TTC12: variants seen among roughly 807,000 people sequenced by gnomAD.
The protein encoded by TTC12 is tetratricopeptide repeat protein 12.
TTC12 carries 70 observed loss-of-function variants against 90.1 expected under a neutral mutation model. The observed-to-expected ratio is 0.78, with a 90% CI of 0.64 to 0.95. The LOEUF is 0.95. TTC12 is among the 40% of genes least tolerant of loss of function. The pLI is 0.00. For synonymous variants in TTC12, 296 were observed against 311.5 expected, an observed-to-expected ratio of 0.95 and a Z score of 0.53; for missense variants, 819 against 846.1, an observed-to-expected ratio of 0.97 and a Z score of 0.40.
intron 6 of TTC12, among the ~76,000 whole-genome samples, chr11:113,327,462 C>T (rs1555141381): frequency 1.3e-5 from 2 of 152,160 alleles, no homozygotes; most frequent in Non-Finnish European, 2.9e-5. Context: ...GAAAACCTAA[C>T]CTTTCATTGC....
chr11:113,342,331 G>A (rs1169386651), intron 12 of TTC12, among the ~76,000 whole-genome samples: 3 of 152,100 alleles, frequency 2.0e-5, no homozygotes, highest in Non-Finnish European at 4.4e-5. Context: ...ACACTGATTA[G>A]CATCTAGTAT....
Position 113,365,037 on chromosome 11 carries a change from G to A in TTC12, c.2019G>A (p.Gly673=), listed in dbSNP as rs745451821. The change falls in exon 21 of 22, where the codon GGG becomes GGA. Residue 673 remains glycine, a synonymous_variant. Coordinates refer to ENST00000529221, the MANE Select transcript of TTC12 (RefSeq NM_017868.4). ...AVQVNAGIAL[G]KLCTAEPRFA... ...AGGTGAACGCAGGCATTGCTCTGGG[G>A]AAGCTGTGCACAGCTGAGCCCAGGT... 6 of 1,614,064 alleles carry A rather than the reference G, an allele frequency of 3.7e-6. No individual in the cohort carries two copies. Among genetic ancestry groups the A allele is most frequent in the Non-Finnish European group, 5.1e-6 (6 of 1,179,986 alleles).
In TTC12 at chr11:113,339,385, A is replaced by G. The variant is rs146397852; in HGVS notation, c.737A>G (p.Lys246Arg). The G allele has an allele frequency of 1.9e-6, 3 of 1,613,992 alleles. No homozygotes were observed. Among genetic ancestry groups the G allele is most frequent in the African/African-American group, 2.7e-5 (2 of 74,882 alleles). The part of the protein sequence containing the change: ...DSGKNTAVTT[K>R]NLLETLSKPD... ...GGAAAGAACACAGCCGTGACCACCA[A>G]GAACCTCCTGGAGACCCTTTCCAAG... The change falls in exon 10 of 22, where the codon AAG becomes AGG. Residue 246 changes from lysine (K) to arginine (R), a missense_variant. Coordinates refer to ENST00000529221, the MANE Select transcript of TTC12 (RefSeq NM_017868.4).
At chr11:113,325,719 G>C in intron 6 of TTC12, 74 bp downstream of exon 6, 1 of 1,577,366 alleles carries the variant, frequency 6.3e-7, no homozygotes, top group Non-Finnish European at 8.6e-7. Context: ...AAACAAAGAT[G>C]AGGCTAGATG....
At position 113,348,796 on chromosome 11, in the gene TTC12, CA is replaced by C. The variant is rs139795679; in HGVS notation, c.1155-1275del. On this transcript the variant is annotated intron_variant, in intron 13 of 21. Coordinates refer to ENST00000529221, the MANE Select transcript of TTC12 (RefSeq NM_017868.4). ...CAACCACACATTGGAGAACAGGGGC[CA>C]ACAGGGCAAAGTACAGACTTTCCAG... Among the ~76,000 whole-genome samples, 930 of 152,320 alleles carry C rather than the reference CA, an allele frequency of 6.1e-3. 12 individuals are homozygous for C. Among genetic ancestry groups the C allele is most frequent in the African/African-American group, 0.021 (892 of 41,574 alleles).
intron 2 of TTC12, among the ~76,000 whole-genome samples, chr11:113,320,449 C>T (rs1442248788): frequency 1.3e-5 from 2 of 152,078 alleles, no homozygotes; most frequent in Admixed American, 6.6e-5. Context: ...TGGGAGCAGC[C>T]AGAGGGGAGT....
rs550221676 is a variant in TTC12, at chr11:113,344,202, T to C, written c.986-70T>C. 107 of 1,504,526 alleles carry C rather than the reference T, an allele frequency of 7.1e-5. 1 individual carries two copies. In the South Asian group the frequency reaches 1.3e-3, roughly 18 times the overall value. The allele number at this position is 1,504,526 out of a possible 1,614,324, so 93.2% of individuals were successfully genotyped here. On this transcript the variant is annotated intron_variant, in intron 12 of 21. Transcript: ENST00000529221. ...GCACCAGTTGAGTTTCCCATTAGGA[T>C]AGAGGGTGACAGAGCTAGTTTAATT...
intron 18 of TTC12, among the ~76,000 whole-genome samples, chr11:113,360,748 G>T (rs1264710908): frequency 6.6e-6 from 1 of 152,270 alleles, no homozygotes; most frequent in East Asian, 1.9e-4. Flanking sequence ...GCCTTTCAAG[G>T]GTTGCAGACT....
In TTC12 at chr11:113,314,632, G is replaced by C. The variant is rs568337504; in HGVS notation, c.-16+14G>C. On this transcript the variant is annotated intron_variant, in intron 1 of 21. Coordinates refer to ENST00000529221, the MANE Select transcript of TTC12 (RefSeq NM_017868.4). Reference sequence around the variant, plus strand: ...TGGGCGAATCAGGTCGGTGCCGCGGGGTACCCCGGAATCCCCCCTGGGAGC... The same window carrying C: ...TGGGCGAATCAGGTCGGTGCCGCGGCGTACCCCGGAATCCCCCCTGGGAGC... 6.5e-6 allele frequency: 1 copy of C among 152,862 alleles called. No homozygotes were observed. Among genetic ancestry groups the C allele is most frequent in the East Asian group, 1.9e-4 (1 of 5,208 alleles). 9.5% of individuals were successfully genotyped at this position (152,862 alleles called of 1,614,324 possible).
At chr11:113,329,792 G>A in intron 6 of TTC12, 128 bp from the exon 7 acceptor site, 1 of 806,348 alleles carries the variant, frequency 1.2e-6, no homozygotes, top group Non-Finnish European at 2.2e-6. Context: ...TTCCTGGCAG[G>A]ACCATGACTG....
chr11:113,336,928 C>A (rs1452051466), intron 8 of TTC12, among the ~76,000 whole-genome samples: 7 of 152,194 alleles, frequency 4.6e-5, no homozygotes, highest in African/African-American at 1.7e-4. Flanking sequence ...ATTCATAAAT[C>A]AATTTGGCAA....
intron 3 of TTC12, 58 bp from the exon 4 acceptor site, chr11:113,323,935 TA>T: frequency 7.1e-7 from 1 of 1,399,202 alleles, no homozygotes; most frequent in South Asian, 1.2e-5. Context: ...TATATACATA[TA>T]AATTAGAGTG....
At chr11:113,344,775 C>T (rs1174942582) in intron 13 of TTC12, among the ~76,000 whole-genome samples, 4 of 152,202 alleles carry the variant, frequency 2.6e-5, no homozygotes, top group African/African-American at 9.6e-5. Context: ...CTACCCTGTT[C>T]CTGCCATTCG....
At chr11:113,351,113 G>C (rs782615890) in intron 14 of TTC12, 126 bp from the exon 15 acceptor site, 19 of 764,958 alleles carry the variant, frequency 2.5e-5, no homozygotes, top group Non-Finnish European at 3.7e-5. Flanking sequence ...TTTTGGTTCT[G>C]AATTGTCCAT....
rs1555155555 is a variant in TTC12 at position 113,362,438 on chromosome 11, C to T, written c.1652C>T (p.Ser551Phe). Reference protein sequence around the residue: ...AGVLSRTLSSSLKIVEEALRA... With the variant: ...AGVLSRTLSSFLKIVEEALRA... ...GTTCTGAGCCGGACCCTTTCTTCCT[C>T]TCTGAAAATTGTTGAGGAGGCCTTG... Residue 551 changes from serine to phenylalanine, a missense_variant, in exon 19 of 22, where the codon TCT becomes TTT. Physicochemically the swap from Ser to Phe is radical, Grantham distance 155 (BLOSUM62 -2). Coordinates refer to ENST00000529221, the MANE Select transcript of TTC12 (RefSeq NM_017868.4). The T allele has an allele frequency of 6.2e-7, 1 of 1,614,136 alleles. No individual in the cohort carries two copies. Among genetic ancestry groups the T allele is most frequent in the Non-Finnish European group, 8.5e-7 (1 of 1,179,970 alleles).
rs782274006 is a variant in TTC12 at position 113,323,331 on chromosome 11, A to T, written c.102A>T (p.Gln34His). 3.1e-6 allele frequency: 5 copies of T among 1,610,556 alleles called. No homozygotes were observed. In the East Asian group the frequency reaches 1.1e-4, roughly 36 times the overall value. The change falls in exon 3 of 22, where the codon CAA becomes CAT. Residue 34 changes from glutamine (Q) to histidine (H), a missense_variant. Physicochemically the swap from Gln to His is conservative, Grantham distance 24. Coordinates refer to ENST00000529221, the MANE Select transcript of TTC12 (RefSeq NM_017868.4). ...TGAATTCTGATGACCCAGTTGTGCA[A>T]CAGAAAGCTGTCCTGGAGACAGAAA... The part of the protein sequence containing the change: ...QEMNSDDPVV[Q>H]QKAVLETEKR...
chr11:113,318,112 C>T (rs376314187), intron 2 of TTC12, among the ~76,000 whole-genome samples: 4 of 152,282 alleles, frequency 2.6e-5, no homozygotes, highest in African/African-American at 9.6e-5. Flanking sequence ...TGGGCTCTTG[C>T]TATGTGTTGA....
chr11:113,372,104 C>T (rs1185834329), intron 21 of TTC12, among the ~76,000 whole-genome samples: 7 of 152,178 alleles, frequency 4.6e-5, no homozygotes, highest in Admixed American at 4.6e-4. Flanking sequence ...AGAAGTAGGC[C>T]TCCAAATGGC....
rs1555146279 is a variant in TTC12, at chr11:113,341,926, G to A, written c.985+1G>A. 1 of 1,612,906 alleles carries A rather than the reference G, an allele frequency of 6.2e-7. No homozygotes were observed. ...TGGCAAGCAGTGTGCAGCAGGAACG[G>A]TAAGCCTGGGTAATCACCGTTGATC... On this transcript the variant is annotated splice_donor_variant, in intron 12 of 21. Transcript: ENST00000529221. LOFTEE classifies it high-confidence loss of function.
Sources: gnomAD v4.1 joint callset for allele counts (sites outside exome capture counted in the v4.1 genomes callset) on GRCh38, gnomAD v4.1.1 for gene constraint, MANE v1.5 for transcripts, NCBI Gene and HGNC (gene_info 2026-07-23, HGNC 2026-07-21) for gene names.